PDZRN4: variants seen among roughly 807,000 people sequenced by gnomAD.
PDZRN4 encodes PDZ domain containing ring finger 4.
In PDZRN4, 70 loss-of-function variants were observed where a neutral mutation model predicts 99.0. That is an observed-to-expected ratio of 0.71 (90% CI 0.58 to 0.86). The LOEUF is 0.86. PDZRN4 is among the 40% of genes least tolerant of loss of function. The probability of loss-of-function intolerance (pLI) is 0.00; values close to 1 mark genes in which losing one functional copy is unlikely to be tolerated. For synonymous variants in PDZRN4, 551 were observed against 501.6 expected (o/e 1.10, Z -1.32); for missense variants, 1,474 against 1,331.2 (o/e 1.11, Z -1.67).
chr12:41,293,330 C>T (rs373519655), intron 3 of PDZRN4, among the ~76,000 whole-genome samples: 54 of 150,836 alleles, frequency 3.6e-4, no homozygotes, highest in African/African-American at 1.3e-3. Flanking sequence ...CATGTAGCAT[C>T]GTATCTGCCA....
At chr12:41,476,700 T>C (rs1446857257) in intron 3 of PDZRN4, among the ~76,000 whole-genome samples, 1 of 152,190 alleles carries the variant, frequency 6.6e-6, no homozygotes, top group Non-Finnish European at 1.5e-5. Flanking sequence ...TGTTGACAGC[T>C]CTGATAGTGA....
At chr12:41,452,790 T>C (rs559380318) in intron 3 of PDZRN4, among the ~76,000 whole-genome samples, 1 of 152,312 alleles carries the variant, frequency 6.6e-6, no homozygotes, top group Non-Finnish European at 1.5e-5. Flanking sequence ...TAGTTGTTAA[T>C]ATTTCATTTA....
At chr12:41,284,194 A>G (rs953437865) in intron 3 of PDZRN4, among the ~76,000 whole-genome samples, 5 of 152,248 alleles carry the variant, frequency 3.3e-5, no homozygotes, top group Admixed American at 2.6e-4. Flanking sequence ...CAAAGAAATT[A>G]CTAGCATTCC....
At chr12:41,383,542 G>A (rs961112083) in intron 3 of PDZRN4, among the ~76,000 whole-genome samples, 2 of 152,166 alleles carry the variant, frequency 1.3e-5, no homozygotes, top group East Asian at 3.8e-4. Flanking sequence ...AGCCCAGAAG[G>A]ATCTGAGTAA....
intron 5 of PDZRN4, among the ~76,000 whole-genome samples, chr12:41,526,622 C>A (rs968221141): frequency 6.6e-6 from 1 of 152,062 alleles, no homozygotes; most frequent in African/African-American, 2.4e-5. Context: ...TTATAAAATA[C>A]TTGTTTTTCA....
intron 3 of PDZRN4, among the ~76,000 whole-genome samples, chr12:41,284,557 C>A (rs1244048831): frequency 1.3e-5 from 2 of 152,142 alleles, no homozygotes; most frequent in Non-Finnish European, 2.9e-5. Context: ...CCAGACAATC[C>A]TAAGCAAAAG....
intron 2 of PDZRN4, among the ~76,000 whole-genome samples, chr12:41,193,875 G>T (rs916936746): frequency 6.6e-6 from 1 of 152,022 alleles, no homozygotes; most frequent in African/African-American, 2.4e-5. Flanking sequence ...AGATAATCTT[G>T]TCAGAGACCC....
At chr12:41,230,854 T>C (rs965360494) in intron 3 of PDZRN4, among the ~76,000 whole-genome samples, 2 of 152,136 alleles carry the variant, frequency 1.3e-5, no homozygotes, top group African/African-American at 4.8e-5. Flanking sequence ...AGTTCTTTTA[T>C]ATTAACACAC....
chr12:41,572,059 A>C (rs1458175), intron 9 of PDZRN4, among the ~76,000 whole-genome samples: 90,097 of 151,970 alleles, frequency 0.59, 27,390 homozygotes, highest in East Asian at 0.84. Flanking sequence ...TACACCTTCA[A>C]CCCCGAGTTT....
chr12:41,245,093 A>G (rs1260580068), intron 3 of PDZRN4, among the ~76,000 whole-genome samples: 1 of 152,006 alleles, frequency 6.6e-6, no homozygotes, highest in Non-Finnish European at 1.5e-5. Flanking sequence ...ATTCCTAGTT[A>G]CCACCCTGGG....
chr12:41,316,170 T>C (rs1951636589), intron 3 of PDZRN4, among the ~76,000 whole-genome samples: 1 of 152,136 alleles, frequency 6.6e-6, no homozygotes, highest in Non-Finnish European at 1.5e-5. Context: ...TCTCCTGATA[T>C]TCGTACCTAG....
chr12:41,475,463 C>T (rs1397389720), intron 3 of PDZRN4, among the ~76,000 whole-genome samples: 3 of 152,128 alleles, frequency 2.0e-5, no homozygotes, highest in African/African-American at 7.2e-5. Context: ...GCTTTCATGG[C>T]ATTAATTATG....
intron 3 of PDZRN4, among the ~76,000 whole-genome samples, chr12:41,303,176 T>C (rs1489201267): frequency 6.6e-6 from 1 of 152,150 alleles, no homozygotes; most frequent in Non-Finnish European, 1.5e-5. Flanking sequence ...TTACAATGAT[T>C]ACTACAAGCC....
At chr12:41,255,595 G>A (rs953412535) in intron 3 of PDZRN4, among the ~76,000 whole-genome samples, 1 of 152,124 alleles carries the variant, frequency 6.6e-6, no homozygotes, top group Non-Finnish European at 1.5e-5. Context: ...ACTTCCTGAA[G>A]TGTATGTACA....
intron 3 of PDZRN4, among the ~76,000 whole-genome samples, chr12:41,351,647 A>G (rs1003651569): frequency 6.6e-6 from 1 of 151,968 alleles, no homozygotes; most frequent in African/African-American, 2.4e-5. Flanking sequence ...CTGTCACAAG[A>G]TCAGCAAGGG....
At chr12:41,550,395 A>G (rs551960994) in intron 5 of PDZRN4, among the ~76,000 whole-genome samples, 43 of 152,236 alleles carry the variant, frequency 2.8e-4, no homozygotes, top group Admixed American at 8.5e-4. Flanking sequence ...ATACTCCTCA[A>G]CTACATACCT....
intron 3 of PDZRN4, among the ~76,000 whole-genome samples, chr12:41,267,351 A>G (rs1010288840): frequency 3.9e-5 from 6 of 152,212 alleles, no homozygotes; most frequent in East Asian, 1.9e-4. Flanking sequence ...TTACCAATCA[A>G]CTGGAGCTGG....
chr12:41,194,957 T>A (rs1950761887), intron 3 of PDZRN4, among the ~76,000 whole-genome samples: 1 of 152,198 alleles, frequency 6.6e-6, no homozygotes, highest in Non-Finnish European at 1.5e-5. Context: ...TTTCTTGGTG[T>A]AATATGGCTA....
chr12:41,286,447 A>G (rs1450519599), intron 3 of PDZRN4, among the ~76,000 whole-genome samples: 2 of 145,930 alleles, frequency 1.4e-5, no homozygotes, highest in South Asian at 2.1e-4. Context: ...TAGAGACTCT[A>G]TTTTTTAAAA....
Sources: allele counts gnomAD v4.1 joint callset (sites outside exome capture counted in the v4.1 genomes callset), GRCh38; gene constraint gnomAD v4.1.1; transcripts MANE v1.5; gene names NCBI Gene and HGNC (gene_info 2026-07-23, HGNC 2026-07-21).